Variants in PLEKHG7 observed in about 807,000 individuals in gnomAD.
The protein encoded by PLEKHG7 is pleckstrin homology domain-containing family G member 7.
Under a neutral mutation model 85.2 loss-of-function variants are expected in PLEKHG7, and 77 were observed. The ratio of observed to expected loss-of-function variants is 0.90; its 90% confidence interval spans 0.75 to 1.09. The LOEUF (loss-of-function observed/expected upper bound fraction) is 1.09, where lower values mean the gene tolerates loss of function less well. PLEKHG7 is among the 50% of genes least tolerant of loss of function. PLEKHG7 has a pLI of 0.00. For missense variants in PLEKHG7, 777 were observed against 804.3 expected (o/e 0.97, Z 0.41); for synonymous variants, 301 against 302.4 (o/e 1.00, Z 0.05).
intron 3 of PLEKHG7, among the ~76,000 whole-genome samples, chr12:92,725,664 T>C (rs987523352): frequency 6.6e-6 from 1 of 152,168 alleles, no homozygotes; most frequent in African/African-American, 2.4e-5. Flanking sequence ...ATCTGAACAG[T>C]CTGAGGCATC....
At chr12:92,764,983 G>A (rs940670572) in intron 15 of PLEKHG7, among the ~76,000 whole-genome samples, 6 of 152,036 alleles carry the variant, frequency 3.9e-5, no homozygotes, top group Admixed American at 2.6e-4. Flanking sequence ...CAGGCAGGTG[G>A]GGACTGACTT....
At chr12:92,716,788 A>G (rs906936132) in intron 3 of PLEKHG7, among the ~76,000 whole-genome samples, 2 of 152,230 alleles carry the variant, frequency 1.3e-5, no homozygotes, top group Non-Finnish European at 2.9e-5. Flanking sequence ...TCTGCCCCCA[A>G]GAATCAAAAC....
At chr12:92,711,774 G>T (rs1871371901) in intron 3 of PLEKHG7, among the ~76,000 whole-genome samples, 1 of 152,164 alleles carries the variant, frequency 6.6e-6, no homozygotes, top group Non-Finnish European at 1.5e-5. Flanking sequence ...GATCTGCTGG[G>T]TCATATGGCC....
At chr12:92,721,412 G>A in intron 3 of PLEKHG7, 1 of 1,205,464 alleles carries the variant, frequency 8.3e-7, no homozygotes, top group Non-Finnish European at 1.0e-6. Context: ...CAGATCTTCA[G>A]CAGAGCATAG....
intron 3 of PLEKHG7, among the ~76,000 whole-genome samples, chr12:92,726,496 G>T (rs1038597535): frequency 2.0e-5 from 3 of 152,158 alleles, no homozygotes; most frequent in South Asian, 2.1e-4. Context: ...GTAAACAGAA[G>T]AAATTGCATC....
At chr12:92,742,962 A>G (rs546157269) in intron 9 of PLEKHG7, among the ~76,000 whole-genome samples, 1 of 152,330 alleles carries the variant, frequency 6.6e-6, no homozygotes, top group Non-Finnish European at 1.5e-5. Context: ...TAGGCTCTTT[A>G]CTAAGGGTCT....
intron 15 of PLEKHG7, among the ~76,000 whole-genome samples, chr12:92,768,077 G>A (rs1408578334): frequency 6.6e-6 from 1 of 152,060 alleles, no homozygotes; most frequent in East Asian, 1.9e-4. Flanking sequence ...GCGTGGTGGC[G>A]GGCGCCTGTA....
chr12:92,762,228 C>G (rs1873058121), intron 14 of PLEKHG7, among the ~76,000 whole-genome samples: 1 of 152,228 alleles, frequency 6.6e-6, no homozygotes, highest in Non-Finnish European at 1.5e-5. Flanking sequence ...ACAAAAACAG[C>G]CAGAGTAGGG....
chr12:92,753,004 C>T (rs1872733942), intron 10 of PLEKHG7, among the ~76,000 whole-genome samples: 1 of 152,190 alleles, frequency 6.6e-6, no homozygotes, highest in South Asian at 2.1e-4. Context: ...ATGGCCTAAT[C>T]ACCTCCCAAC....
intron 3 of PLEKHG7, among the ~76,000 whole-genome samples, chr12:92,712,635 C>T (rs1024613224): frequency 2.7e-5 from 4 of 150,218 alleles, no homozygotes; most frequent in Middle Eastern, 3.4e-3. Context: ...TCCAGGGATG[C>T]GATTTTTTTT....
rs779866828 is a variant in PLEKHG7 at position 92,741,544 on chromosome 12, C to T, written c.1089C>T (p.Asp363=). 1.7e-5 allele frequency: 27 copies of T among 1,613,294 alleles called. No individual in the cohort carries two copies. Among genetic ancestry groups the T allele is most frequent in the Middle Eastern group, 1.6e-4 (1 of 6,074 alleles). ...SLFGIIKDYV[D]ASEISSSLDF... ...TTGGCATCATCAAGGACTATGTAGA[C>T]GCTTCTGAGATTTCCTCATCACTGG... The change falls in exon 9 of 17, where the codon GAC becomes GAT. Residue 363 remains aspartate, a synonymous_variant. Transcript: ENST00000344636.
At chr12:92,727,564 T>A (rs769201253) in intron 3 of PLEKHG7, among the ~76,000 whole-genome samples, 1 of 152,102 alleles carries the variant, frequency 6.6e-6, no homozygotes. Context: ...TCCAGCTCCA[T>A]CCATGTTGCT....
At position 92,770,415 on chromosome 12, in the gene PLEKHG7, A is replaced by G. The variant is rs1873375170; in HGVS notation, c.*220A>G. The G allele has an allele frequency of 2.1e-6, 1 of 466,048 alleles. No individual in the cohort carries two copies. Among genetic ancestry groups the G allele is most frequent in the Admixed American group, 4.3e-5 (1 of 23,388 alleles). The allele number at this position is 466,048 out of a possible 1,614,324, so 28.9% of individuals were successfully genotyped here. ...GGAATTTCTTGACAAATATATACTG[A>G]CATCCAGATTACCTTCTAATGCTTC... On this transcript the variant is annotated 3_prime_UTR_variant, in exon 17 of 17. Coordinates refer to ENST00000344636, the MANE Select transcript of PLEKHG7 (RefSeq NM_001377329.1).
At chr12:92,722,525 T>C (rs1338461048) in intron 3 of PLEKHG7, among the ~76,000 whole-genome samples, 1 of 152,104 alleles carries the variant, frequency 6.6e-6, no homozygotes, top group Admixed American at 6.6e-5. Flanking sequence ...AGGCAAAAAG[T>C]CAAGGTCATG....
chr12:92,741,685 T>A, intron 9 of PLEKHG7, 93 bp downstream of exon 9: 1 of 885,070 alleles, frequency 1.1e-6, no homozygotes, highest in Non-Finnish European at 1.7e-6. Flanking sequence ...TAATTCTCCC[T>A]GGGAAAGTTC....
chr12:92,761,609 AAGAAAGAAAGAAAGAAGAAAG>A (rs1244015839), intron 13 of PLEKHG7, 122 bp from the exon 14 acceptor site: 1 of 994,266 alleles, frequency 1.0e-6, no homozygotes, highest in African/African-American at 2.0e-5. Context: ...AAGAAAGAAA[AAGAAAGAAAGAAAGAAGAAAG>A]AAAGAAAGAA....
chr12:92,736,172 G>A (rs954323862), intron 5 of PLEKHG7, among the ~76,000 whole-genome samples: 5 of 152,060 alleles, frequency 3.3e-5, no homozygotes, highest in African/African-American at 1.2e-4. Context: ...TCACCCCAAT[G>A]GGTAGGCATG....
At chr12:92,736,132 T>G (rs1170397817) in intron 5 of PLEKHG7, among the ~76,000 whole-genome samples, 1 of 152,024 alleles carries the variant, frequency 6.6e-6, no homozygotes, top group Non-Finnish European at 1.5e-5. Context: ...GGGTCCAGAG[T>G]TTGGAAAAGT....
At chr12:92,744,887 C>T (rs1042294934) in intron 9 of PLEKHG7, among the ~76,000 whole-genome samples, 2 of 152,058 alleles carry the variant, frequency 1.3e-5, no homozygotes, top group Admixed American at 6.6e-5. Context: ...AGGCTAGTCT[C>T]GAACTCCTGA....
Sources: gnomAD v4.1 joint callset for allele counts (sites outside exome capture counted in the v4.1 genomes callset) on GRCh38, gnomAD v4.1.1 for gene constraint, MANE v1.5 for transcripts, NCBI Gene and HGNC (gene_info 2026-07-23, HGNC 2026-07-21) for gene names.